CMSS1: variants seen among roughly 807,000 people sequenced by gnomAD.
CMSS1 encodes the protein protein CMSS1.
CMSS1 carries 33 observed loss-of-function variants against 43.5 expected under a neutral mutation model. The observed-to-expected ratio is 0.76, with a 90% CI of 0.57 to 1.01. The LOEUF (loss-of-function observed/expected upper bound fraction) is 1.01. Among genes scored for constraint, CMSS1 ranks in the 50% least tolerant of loss-of-function variants. The pLI is 0.00. For missense variants in CMSS1, 313 were observed against 326.4 expected (o/e 0.96, Z 0.32); for synonymous variants, 115 against 117.2 (o/e 0.98, Z 0.12).
At chr3:100,009,136 A>T (rs182856538) in intron 1 of CMSS1, among the ~76,000 whole-genome samples, 42 of 152,338 alleles carry the variant, frequency 2.8e-4, no homozygotes, top group African/African-American at 1.0e-3. Flanking sequence ...TGAGAATTCA[A>T]ATTGAGTGCA....
chr3:99,971,166 T>C (rs931819098), intron 1 of CMSS1, among the ~76,000 whole-genome samples: 5 of 151,970 alleles, frequency 3.3e-5, no homozygotes, highest in Non-Finnish European at 7.4e-5. Context: ...TGAAACCCCG[T>C]CTCTACTAAA....
At chr3:99,850,292 G>C in intron 1 of CMSS1, 2 of 1,613,772 alleles carry the variant, frequency 1.2e-6, no homozygotes, top group Non-Finnish European at 1.7e-6. Flanking sequence ...AAACTCTCCA[G>C]TTCTTGAGAC....
intron 1 of CMSS1, among the ~76,000 whole-genome samples, chr3:99,973,042 CA>C (rs1708868397): frequency 6.6e-6 from 1 of 152,118 alleles, no homozygotes; most frequent in Middle Eastern, 3.4e-3. Flanking sequence ...TTTATCTGTT[CA>C]CAAAATTAGG....
At chr3:100,146,945 T>G in intron 1 of CMSS1, 28 bp from the exon 2 acceptor site, 1 of 1,606,622 alleles carries the variant, frequency 6.2e-7, no homozygotes, top group Non-Finnish European at 8.5e-7. Context: ...GAGAGACTTT[T>G]CTGATTTTCA....
chr3:99,965,006 T>A (rs1273467414), intron 1 of CMSS1, among the ~76,000 whole-genome samples: 1 of 152,226 alleles, frequency 6.6e-6, no homozygotes, highest in Non-Finnish European at 1.5e-5. Flanking sequence ...AAGTACCTGA[T>A]ATACTTAGAT....
intron 1 of CMSS1, among the ~76,000 whole-genome samples, chr3:99,983,937 G>A (rs1709250801): frequency 6.6e-6 from 1 of 151,830 alleles, no homozygotes; most frequent in East Asian, 1.9e-4. Flanking sequence ...AGAGGAAAAT[G>A]TCCTATACCA....
chr3:100,045,530 ACCT>A (rs1043037177), intron 1 of CMSS1, among the ~76,000 whole-genome samples: 17 of 151,852 alleles, frequency 1.1e-4, no homozygotes, highest in African/African-American at 4.1e-4. Context: ...TCTCGCAAAC[ACCT>A]CCTATAATTC....
intron 1 of CMSS1, among the ~76,000 whole-genome samples, chr3:99,897,067 G>A (rs1706278771): frequency 6.6e-6 from 1 of 151,838 alleles, no homozygotes; most frequent in Admixed American, 6.6e-5. Context: ...TAAGAATATT[G>A]TCAACTTTTG....
intron 1 of CMSS1, among the ~76,000 whole-genome samples, chr3:99,946,684 T>C (rs1243419100): frequency 6.6e-6 from 1 of 152,162 alleles, no homozygotes; most frequent in African/African-American, 2.4e-5. Flanking sequence ...TTGAAGGTAT[T>C]TGAGGGATGA....
intron 1 of CMSS1, among the ~76,000 whole-genome samples, chr3:99,950,460 T>C (rs1708142468): frequency 2.6e-5 from 4 of 152,222 alleles, no homozygotes; most frequent in African/African-American, 9.6e-5. Flanking sequence ...ATGATGCACA[T>C]GTCCTATTCC....
At chr3:100,127,072 T>G (rs1475832224) in intron 1 of CMSS1, among the ~76,000 whole-genome samples, 2 of 152,160 alleles carry the variant, frequency 1.3e-5, no homozygotes, top group Admixed American at 1.3e-4. Flanking sequence ...TATGCACGTC[T>G]CAGTCACTTA....
chr3:100,100,595 T>C lies in CMSS1; in HGVS notation c.65-46378T>C, dbSNP rs1206948804. Among the ~76,000 whole-genome samples, 3 of 152,114 alleles carry C rather than the reference T, an allele frequency of 2.0e-5. No individual in the cohort carries two copies. The East Asian group carries it at 5.8e-4, about 29-fold the overall frequency. ...TTCAGAGCACACCATGGGAAGGATT[T>C]GGAGGCAAGTCAGAGAGGAAGGGAA... On this transcript the variant is annotated intron_variant, in intron 1 of 9. Coordinates refer to ENST00000421999, the MANE Select transcript of CMSS1 (RefSeq NM_032359.4).
chr3:99,900,443 G>A (rs1706398537), intron 1 of CMSS1, among the ~76,000 whole-genome samples: 1 of 152,176 alleles, frequency 6.6e-6, no homozygotes, highest in African/African-American at 2.4e-5. Flanking sequence ...TGAAGAAACT[G>A]AGTCTCTAAG....
At chr3:100,148,291 C>T (rs1156658604) in intron 2 of CMSS1, among the ~76,000 whole-genome samples, 1 of 152,090 alleles carries the variant, frequency 6.6e-6, no homozygotes, top group Admixed American at 6.6e-5. Context: ...GTTAGCCAGG[C>T]TGGTCTCGAA....
At chr3:99,866,985 A>G (rs753318596) in intron 1 of CMSS1, among the ~76,000 whole-genome samples, 2 of 152,198 alleles carry the variant, frequency 1.3e-5, no homozygotes, top group Non-Finnish European at 2.9e-5. Flanking sequence ...CATTTGGGTT[A>G]TGTTTTCCTT....
intron 1 of CMSS1, among the ~76,000 whole-genome samples, chr3:100,130,332 G>A (rs2066696112): frequency 6.6e-6 from 1 of 152,138 alleles, no homozygotes; most frequent in South Asian, 2.1e-4. Flanking sequence ...CACTACGTAG[G>A]CCATGAGGTC....
intron 1 of CMSS1, among the ~76,000 whole-genome samples, chr3:99,934,052 G>A (rs577645776): frequency 1.3e-5 from 2 of 152,278 alleles, no homozygotes; most frequent in South Asian, 2.1e-4. Context: ...AGCCTCAGCC[G>A]GGTCATCTCA....
At chr3:99,866,849 T>C (rs1297458007) in intron 1 of CMSS1, among the ~76,000 whole-genome samples, 3 of 152,236 alleles carry the variant, frequency 2.0e-5, no homozygotes, top group Admixed American at 6.5e-5. Flanking sequence ...TGTAATCTGC[T>C]GGAACATGAA....
chr3:100,021,302 A>G (rs2064813086), intron 1 of CMSS1, among the ~76,000 whole-genome samples: 1 of 152,226 alleles, frequency 6.6e-6, no homozygotes, highest in African/African-American at 2.4e-5. Flanking sequence ...TGGAGTTGTT[A>G]AAAAGTGAGG....
Sources: allele counts gnomAD v4.1 joint callset (sites outside exome capture counted in the v4.1 genomes callset), GRCh38; gene constraint gnomAD v4.1.1; transcripts MANE v1.5; gene names NCBI Gene and HGNC (gene_info 2026-07-23, HGNC 2026-07-21).